Variants in C22orf39 observed in about 807,000 individuals in gnomAD.
The protein encoded by C22orf39 is synaptic plasticity regulator PANTS.
A neutral mutation model predicts 18.3 loss-of-function variants in C22orf39; 20 were observed. The observed-to-expected ratio is 1.09, with a 90% CI of 0.77 to 1.59. The LOEUF (loss-of-function observed/expected upper bound fraction) is 1.59, where lower values mean the gene tolerates loss of function less well. C22orf39 is among the 40% of genes most tolerant of loss of function. The pLI, the probability that C22orf39 is intolerant of heterozygous loss-of-function variation, is 0.00. For missense variants in C22orf39, 195 were observed against 156.1 expected (o/e 1.25, Z -1.33); for synonymous variants, 63 against 59.6 (o/e 1.06, Z -0.26).
At chr22:19,444,522 A>T in intron 2 of C22orf39, 132 bp from the exon 3 acceptor site, 2 of 850,364 alleles carry the variant, frequency 2.4e-6, no homozygotes, top group Non-Finnish European at 3.5e-6. Flanking sequence ...TCTGCAGCAC[A>T]GCTGCTTCCA....
intron 2 of C22orf39, among the ~76,000 whole-genome samples, chr22:19,445,424 T>G (rs2089634494): frequency 6.6e-6 from 1 of 152,222 alleles, no homozygotes; most frequent in South Asian, 2.1e-4. Context: ...GTTTTCAGCT[T>G]TTGCAGTATC....
rs139752301 is a variant in C22orf39, at chr22:19,443,490, G to A, written c.*775C>T. 2 of 985,782 alleles carry A rather than the reference G, an allele frequency of 2.0e-6. No individual in the cohort carries two copies. The highest frequency in any genetic ancestry group is 2.3e-4 in the East Asian group (2 of 8,804). 61.1% of individuals were successfully genotyped at this position (985,782 alleles called of 1,614,324 possible). ...CTAACAAGTGTGAACTTAATTTTCA[G>A]CTTCTATTTGAAATCAGATGAAATA... On this transcript the variant is annotated 3_prime_UTR_variant, in exon 3 of 3. Transcript: ENST00000399562.
Position 19,444,160 on chromosome 22 carries a change from C to T in C22orf39, c.*105G>A. Reference sequence around the variant, plus strand: ...CCATGTTCCTGTGAGCAAGAGCTCACAGGGACCCACCAGACTGTGTAGGCT... The same window carrying T: ...CCATGTTCCTGTGAGCAAGAGCTCATAGGGACCCACCAGACTGTGTAGGCT... On this transcript the variant is annotated 3_prime_UTR_variant, in exon 3 of 3. Coordinates refer to ENST00000399562, the MANE Select transcript of C22orf39 (RefSeq NM_173793.5). The T allele has an allele frequency of 7.0e-7, 1 of 1,428,504 alleles. No homozygotes were observed. 88.5% of individuals were successfully genotyped at this position (1,428,504 alleles called of 1,614,324 possible).
At chr22:19,447,327 C>A in intron 2 of C22orf39, 51 bp downstream of exon 2, 1 of 1,400,336 alleles carries the variant, frequency 7.1e-7, no homozygotes, top group Non-Finnish European at 9.2e-7. Flanking sequence ...GTGGGGAAAG[C>A]TGGGCCCCGC....
rs551878200 is a variant in C22orf39, at chr22:19,446,720, CT to C, written c.192+657del. Among the ~76,000 whole-genome samples, 188 of 152,084 alleles carry C rather than the reference CT, an allele frequency of 1.2e-3. 1 individual carries two copies. The highest frequency in any genetic ancestry group is 6.8e-3 in the Middle Eastern group (2 of 294). On this transcript the variant is annotated intron_variant, in intron 2 of 2. Coordinates refer to ENST00000399562, the MANE Select transcript of C22orf39 (RefSeq NM_173793.5). ...TTACCCTCTCTCTTTTTTTTCCCCC[CT>C]GAGACAGGTCTCCCTCTGTTATCCA...
Position 19,441,742 on chromosome 22 carries a change from T to C in C22orf39, c.*2523A>G, listed in dbSNP as rs750844635. ...ATTGCTCTTATTACAGTATTTGTTT[T>C]CTTCATACCACCACCATAAAATACC... On this transcript the variant is annotated 3_prime_UTR_variant, in exon 3 of 3. Coordinates refer to ENST00000399562, the MANE Select transcript of C22orf39 (RefSeq NM_173793.5). The C allele has an allele frequency of 2.0e-6, 3 of 1,525,180 alleles. No individual in the cohort carries two copies. Among genetic ancestry groups the C allele is most frequent in the South Asian group, 2.5e-5 (2 of 79,798 alleles). The allele number at this position is 1,525,180 out of a possible 1,614,324, so 94.5% of individuals were successfully genotyped here.
Position 19,441,597 on chromosome 22 carries a change from T to A in C22orf39, c.*2668A>T, listed in dbSNP as rs911639784. ...AGGCTGGAGTGCAGTGGCACGATCATAGCTGACTGCAACCTCAAACTCCTA... is the reference window on the plus strand; with the variant it reads ...AGGCTGGAGTGCAGTGGCACGATCAAAGCTGACTGCAACCTCAAACTCCTA... On this transcript the variant is annotated 3_prime_UTR_variant, in exon 3 of 3. Coordinates refer to ENST00000399562, the MANE Select transcript of C22orf39 (RefSeq NM_173793.5). 1.1e-6 allele frequency: 1 copy of A among 870,098 alleles called. No individual in the cohort carries two copies. Among genetic ancestry groups the A allele is most frequent in the Non-Finnish European group, 1.9e-6 (1 of 534,960 alleles). 53.9% of individuals were successfully genotyped at this position (870,098 alleles called of 1,614,324 possible).
chr22:19,444,253 C>A lies in C22orf39; in HGVS notation c.*12G>T. 1 of 1,576,248 alleles carries A rather than the reference C, an allele frequency of 6.3e-7. No homozygotes were observed. Among genetic ancestry groups the A allele is most frequent in the South Asian group, 1.2e-5 (1 of 86,832 alleles). ...CTGAGGAAGCTGCACAGGCCAATGG[C>A]AGGGATGCTTGTCACTCGTCCTTCT... is the stretch of plus-strand genomic sequence containing the variant. On this transcript the variant is annotated 3_prime_UTR_variant, in exon 3 of 3. Coordinates refer to ENST00000399562, the MANE Select transcript of C22orf39 (RefSeq NM_173793.5).
At chr22:19,447,326 G>C in intron 2 of C22orf39, 52 bp downstream of exon 2, 2 of 1,394,106 alleles carry the variant, frequency 1.4e-6, no homozygotes, top group Non-Finnish European at 9.3e-7. Flanking sequence ...GGTGGGGAAA[G>C]CTGGGCCCCG....
At chr22:19,447,643 G>A in intron 1 of C22orf39, 22 bp downstream of exon 1, 3 of 1,608,262 alleles carry the variant, frequency 1.9e-6, no homozygotes, top group Non-Finnish European at 2.5e-6. Context: ...GGTGGTTCCC[G>A]GCTCCGACCC....
chr22:19,441,750 C>T lies in C22orf39; in HGVS notation c.*2515G>A, dbSNP rs1434748311. 2.3e-5 allele frequency: 35 copies of T among 1,516,522 alleles called. No individual in the cohort carries two copies. Among genetic ancestry groups the T allele is most frequent in the Non-Finnish European group, 2.9e-5 (33 of 1,131,230 alleles). The allele number at this position is 1,516,522 out of a possible 1,614,324, so 93.9% of individuals were successfully genotyped here. A position where few individuals can be genotyped will look rare whatever the true frequency, so the allele number is the denominator to read the frequency against. On this transcript the variant is annotated 3_prime_UTR_variant, in exon 3 of 3. Coordinates refer to ENST00000399562, the MANE Select transcript of C22orf39 (RefSeq NM_173793.5). ...TATTACAGTATTTGTTTTCTTCATA[C>T]CACCACCATAAAATACCAAACTGCT...
chr22:19,446,704 CTCTT>C (rs969782610), intron 2 of C22orf39, among the ~76,000 whole-genome samples: 2 of 152,144 alleles, frequency 1.3e-5, no homozygotes, highest in African/African-American at 4.8e-5. Flanking sequence ...TTTACCCTCT[CTCTT>C]TTTTTTCCCC....
intron 2 of C22orf39, among the ~76,000 whole-genome samples, chr22:19,444,591 T>G (rs2089630653): frequency 6.6e-6 from 1 of 152,238 alleles, no homozygotes; most frequent in Admixed American, 6.5e-5. Context: ...TCATTTTTTT[T>G]CTCACAAGCT....
rs2089619560 is a variant in C22orf39 at position 19,442,645 on chromosome 22, T to C, written c.*1620A>G. The C allele has an allele frequency of 6.6e-6, 1 of 152,292 alleles. No individual in the cohort carries two copies. The highest frequency in any genetic ancestry group is 2.4e-5 in the African/African-American group (1 of 41,472). The allele number at this position is 152,292 out of a possible 1,614,324, so 9.4% of individuals were successfully genotyped here. A position where few individuals can be genotyped will look rare whatever the true frequency, so the allele number is the denominator to read the frequency against. On this transcript the variant is annotated 3_prime_UTR_variant, in exon 3 of 3. Transcript: ENST00000399562. Reference sequence around the variant, plus strand: ...GTACAGTGGCACGATCTCAGCTCACTGCAACCTCTGCCTCTGGGGTTCAAG... The same window carrying C: ...GTACAGTGGCACGATCTCAGCTCACCGCAACCTCTGCCTCTGGGGTTCAAG...
Position 19,443,190 on chromosome 22 carries a change from ATAGAT to A in C22orf39, c.*1070_*1074del. 1.0e-6 allele frequency: 1 copy of A among 985,130 alleles called. No individual in the cohort carries two copies. Among genetic ancestry groups the A allele is most frequent in the East Asian group, 1.1e-4 (1 of 8,774 alleles). The allele number at this position is 985,130 out of a possible 1,614,324, so 61.0% of individuals were successfully genotyped here. A position where few individuals can be genotyped will look rare whatever the true frequency, so the allele number is the denominator to read the frequency against. Reference sequence around the variant, plus strand: ...CTTTAATGGACACCCTTCTAACGTGATAGATTATTCTGCCCCAAAGAACAAATTAA... The same window carrying A: ...CTTTAATGGACACCCTTCTAACGTGATATTCTGCCCCAAAGAACAAATTAA... On this transcript the variant is annotated 3_prime_UTR_variant, in exon 3 of 3. Transcript: ENST00000399562.
rs2089625787 is a variant in C22orf39, at chr22:19,443,779, T to G, written c.*486A>C. ...TGCATGTGCAGTGGAACTGAGCGAG[T>G]GGAGCAGAGTGTGAGCACTCACAAT... On this transcript the variant is annotated 3_prime_UTR_variant, in exon 3 of 3. Coordinates refer to ENST00000399562, the MANE Select transcript of C22orf39 (RefSeq NM_173793.5). 1 of 984,350 alleles carries G rather than the reference T, an allele frequency of 1.0e-6. No homozygotes were observed. The highest frequency in any genetic ancestry group is 1.2e-6 in the Non-Finnish European group (1 of 829,892). The allele number at this position is 984,350 out of a possible 1,614,324, so 61.0% of individuals were successfully genotyped here.
intron 2 of C22orf39, 80 bp from the exon 3 acceptor site, chr22:19,444,470 C>G: frequency 6.8e-7 from 1 of 1,472,590 alleles, no homozygotes; most frequent in Middle Eastern, 1.7e-4. Flanking sequence ...TCATCACCCT[C>G]TGAAACACAG....
Position 19,447,625 on chromosome 22 carries a change from A to C in C22orf39, c.24+40T>G, listed in dbSNP as rs914168983. 3 of 1,603,526 alleles carry C rather than the reference A, an allele frequency of 1.9e-6. No homozygotes were observed. In the Admixed American group the frequency reaches 5.0e-5, roughly 27 times the overall value. On this transcript the variant is annotated intron_variant, in intron 1 of 2. Coordinates refer to ENST00000399562, the MANE Select transcript of C22orf39 (RefSeq NM_173793.5). ...AGCCAGTCCCGTTCCCTCCCTCCGG[A>C]AGACCCCGGTGGTTCCCGGCTCCGA...
Position 19,441,575 on chromosome 22 carries a change from C to G in C22orf39, c.*2690G>C. On this transcript the variant is annotated 3_prime_UTR_variant, in exon 3 of 3. Transcript: ENST00000399562. The stretch of plus-strand genomic sequence containing the variant: ...ATGGGGTCTTGCTCTGTTGCCCAGG[C>G]TGGAGTGCAGTGGCACGATCATAGC... 1 of 725,302 alleles carries G rather than the reference C, an allele frequency of 1.4e-6. No homozygotes were observed. The highest frequency in any genetic ancestry group is 2.5e-6 in the Non-Finnish European group (1 of 406,940). 44.9% of individuals were successfully genotyped at this position (725,302 alleles called of 1,614,324 possible). A position where few individuals can be genotyped will look rare whatever the true frequency, so the allele number is the denominator to read the frequency against.
Sources: gnomAD v4.1 joint callset for allele counts (sites outside exome capture counted in the v4.1 genomes callset) on GRCh38, gnomAD v4.1.1 for gene constraint, MANE v1.5 for transcripts, NCBI Gene and HGNC (gene_info 2026-07-23, HGNC 2026-07-21) for gene names.